The following CADPS2 variants were observed in gnomAD, a reference collection of about 807,000 sequenced individuals.
CADPS2 encodes calcium dependent secretion activator 2.
In CADPS2, 93 loss-of-function variants were observed where a neutral mutation model predicts 172.5. That is an observed-to-expected ratio of 0.54 (90% confidence interval 0.46 to 0.64). CADPS2 has a LOEUF of 0.64. Among genes scored for constraint, CADPS2 ranks in the 30% least tolerant of loss-of-function variants. The pLI is 0.00. For synonymous variants in CADPS2, 546 were observed against 555.2 expected, an observed-to-expected ratio of 0.98 and a Z score of 0.23; for missense variants, 1,420 against 1,565.9, an observed-to-expected ratio of 0.91 and a Z score of 1.57.
chr7:122,510,363 G>C (rs2059923197), intron 9 of CADPS2, among the ~76,000 whole-genome samples: 1 of 151,890 alleles, frequency 6.6e-6, no homozygotes, highest in African/African-American at 2.4e-5. Context: ...ATCTTACTTG[G>C]AAGCCAAATA....
intron 7 of CADPS2, among the ~76,000 whole-genome samples, chr7:122,556,069 T>C (rs1190981338): frequency 6.6e-6 from 1 of 152,078 alleles, no homozygotes; most frequent in South Asian, 2.1e-4. Context: ...ATCCAGCATA[T>C]CTATATACTC....
intron 1 of CADPS2, among the ~76,000 whole-genome samples, chr7:122,773,516 A>G (rs915156152): frequency 3.3e-5 from 5 of 152,056 alleles, no homozygotes; most frequent in Admixed American, 3.3e-4. Flanking sequence ...AATACTGTGC[A>G]TTAAACACTA....
At chr7:122,879,364 C>A (rs938177169) in intron 1 of CADPS2, among the ~76,000 whole-genome samples, 4 of 151,470 alleles carry the variant, frequency 2.6e-5, no homozygotes, top group Non-Finnish European at 5.9e-5. Context: ...GGTGAAACCC[C>A]GTCTCTACCA....
At chr7:122,449,780 A>C (rs190530059) in intron 15 of CADPS2, among the ~76,000 whole-genome samples, 1 of 152,314 alleles carries the variant, frequency 6.6e-6, no homozygotes, top group Admixed American at 6.5e-5. Context: ...GTGTTTCCTA[A>C]TGTAAATTTA....
At chr7:122,777,867 G>A (rs560089262) in intron 1 of CADPS2, among the ~76,000 whole-genome samples, 1 of 152,200 alleles carries the variant, frequency 6.6e-6, no homozygotes, top group South Asian at 2.1e-4. Context: ...TTAGCAGCAT[G>A]AGAATGGACT....
chr7:122,408,602 T>C (rs907182186), intron 19 of CADPS2, among the ~76,000 whole-genome samples: 4 of 152,128 alleles, frequency 2.6e-5, no homozygotes, highest in Admixed American at 1.3e-4. Context: ...TGTTTTTGTA[T>C]TTTTAGGAGA....
chr7:122,694,677 C>T (rs2084840994), intron 2 of CADPS2, among the ~76,000 whole-genome samples: 1 of 152,054 alleles, frequency 6.6e-6, no homozygotes, highest in African/African-American at 2.4e-5. Context: ...CTTATAAAAC[C>T]AAGTATGTAT....
intron 14 of CADPS2, among the ~76,000 whole-genome samples, chr7:122,458,463 A>G (rs1392646950): frequency 6.6e-6 from 1 of 152,198 alleles, no homozygotes; most frequent in African/African-American, 2.4e-5. Flanking sequence ...AAATATCCAG[A>G]AGAAATTAAT....
chr7:122,703,057 T>A, intron 2 of CADPS2: 1 of 261,626 alleles, frequency 3.8e-6, no homozygotes, highest in Admixed American at 4.9e-5. Context: ...TATTAGTGCA[T>A]TGCATCCTGA....
At chr7:122,703,787 G>T (rs1418471051) in intron 2 of CADPS2, among the ~76,000 whole-genome samples, 1 of 152,048 alleles carries the variant, frequency 6.6e-6, no homozygotes, top group Admixed American at 6.6e-5. Context: ...TAGTGGCTTG[G>T]ACTCAAAGTA....
At chr7:122,431,084 T>G (rs1320162530) in intron 17 of CADPS2, among the ~76,000 whole-genome samples, 1 of 152,234 alleles carries the variant, frequency 6.6e-6, no homozygotes, top group Admixed American at 6.5e-5. Flanking sequence ...TATGGCTTAA[T>G]TTTTCCAATC....
chr7:122,774,817 A>C (rs533216672), intron 1 of CADPS2, among the ~76,000 whole-genome samples: 4 of 152,302 alleles, frequency 2.6e-5, no homozygotes, highest in Admixed American at 1.3e-4. Flanking sequence ...TATTTAATGT[A>C]TCTAACTGTT....
At chr7:122,706,439 T>C (rs1033976270) in intron 2 of CADPS2, among the ~76,000 whole-genome samples, 1 of 143,378 alleles carries the variant, frequency 7.0e-6, no homozygotes, top group Non-Finnish European at 1.5e-5. Context: ...AATATATATA[T>C]ATGCTTATAT....
At position 122,661,739 on chromosome 7, in the gene CADPS2, G is replaced by T. The variant is rs115034622; in HGVS notation, c.786+1498C>A. Among the ~76,000 whole-genome samples, 319 of 152,020 alleles carry T rather than the reference G, an allele frequency of 2.1e-3. 1 individual carries two copies. Among genetic ancestry groups the T allele is most frequent in the African/African-American group, 7.3e-3 (304 of 41,480 alleles). On this transcript the variant is annotated intron_variant, in intron 3 of 29. Transcript: ENST00000449022. ...TACAGAGGAAAAAATATGTTTTTTCGCTCAACTTGGATTCCCTAATACCTA... is the reference window on the plus strand; with the variant it reads ...TACAGAGGAAAAAATATGTTTTTTCTCTCAACTTGGATTCCCTAATACCTA...
chr7:122,853,685 T>C (rs1378339897), intron 1 of CADPS2, among the ~76,000 whole-genome samples: 2 of 152,190 alleles, frequency 1.3e-5, no homozygotes, highest in Non-Finnish European at 2.9e-5. Flanking sequence ...TATGTAACTG[T>C]TTAAATCTTG....
At chr7:122,443,546 A>T (rs2051661375) in intron 15 of CADPS2, among the ~76,000 whole-genome samples, 1 of 151,812 alleles carries the variant, frequency 6.6e-6, no homozygotes, top group Non-Finnish European at 1.5e-5. Flanking sequence ...GCACAGATTT[A>T]TCTTATAATT....
chr7:122,647,086 T>C (rs2078641607), intron 3 of CADPS2, among the ~76,000 whole-genome samples: 1 of 152,166 alleles, frequency 6.6e-6, no homozygotes, highest in Admixed American at 6.5e-5. Context: ...AGAAGTTTCA[T>C]ATCCATCAGT....
chr7:122,433,224 T>C (rs539447490), intron 17 of CADPS2, among the ~76,000 whole-genome samples: 9 of 151,942 alleles, frequency 5.9e-5, no homozygotes, highest in Non-Finnish European at 1.3e-4. Context: ...CAAGTGATCC[T>C]CCTGCCTCAG....
rs113143625 is a variant in CADPS2 at position 122,637,570 on chromosome 7, G to C, written c.787-8242C>G. On this transcript the variant is annotated intron_variant, in intron 3 of 29. Coordinates refer to ENST00000449022, the MANE Select transcript of CADPS2 (RefSeq NM_017954.11). ...CTTTTAGCTCTTGGGCTGTTTTACGGAATTCCTTGAATACCTTGGATTGGG... is the reference window on the plus strand; with the variant it reads ...CTTTTAGCTCTTGGGCTGTTTTACGCAATTCCTTGAATACCTTGGATTGGG... 1.8e-3 allele frequency among the ~76,000 whole-genome samples: 275 copies of C among 152,262 alleles called. 2 individuals carry two copies. In the East Asian group the frequency reaches 0.026, roughly 15 times the overall value.
Sources: allele counts gnomAD v4.1 joint callset (sites outside exome capture counted in the v4.1 genomes callset), GRCh38; gene constraint gnomAD v4.1.1; transcripts MANE v1.5; gene names NCBI Gene and HGNC (gene_info 2026-07-23, HGNC 2026-07-21).